Variants in IL34 observed in about 807,000 individuals in gnomAD.
IL34 encodes interleukin 34.
A neutral mutation model predicts 25.3 loss-of-function variants in IL34; 17 were observed. That is an observed-to-expected ratio of 0.67 (90% CI 0.46 to 1.01). The LOEUF is 1.01. Among genes scored for constraint, IL34 ranks in the 50% least tolerant of loss-of-function variants. The pLI, the probability that IL34 is intolerant of heterozygous loss-of-function variation, is 0.00. For synonymous variants in IL34, 174 were observed against 140.9 expected (o/e 1.23, Z -1.66); for missense variants, 368 against 312.9 (o/e 1.18, Z -1.33).
intron 1 of IL34, among the ~76,000 whole-genome samples, chr16:70,651,014 GCCTGGCCAA>G (rs1003802262): frequency 1.6e-4 from 24 of 152,300 alleles, no homozygotes; most frequent in African/African-American, 5.8e-4. Flanking sequence ...TTCAAGACCA[GCCTGGCCAA>G]CCTGGTGAAA....
intron 1 of IL34, among the ~76,000 whole-genome samples, chr16:70,630,594 T>C (rs1017079645): frequency 4.0e-5 from 6 of 151,574 alleles, no homozygotes; most frequent in Admixed American, 6.6e-5. Context: ...CTTTTTTTTT[T>C]CTGAGGTAGG....
chr16:70,627,373 C>G (rs1327563388), intron 1 of IL34, among the ~76,000 whole-genome samples: 3 of 151,998 alleles, frequency 2.0e-5, no homozygotes, highest in African/African-American at 7.3e-5. Context: ...AGAAGCCCCC[C>G]ACCAGATCCC....
intron 1 of IL34, among the ~76,000 whole-genome samples, chr16:70,622,835 T>G (rs1365891982): frequency 6.6e-6 from 1 of 152,050 alleles, no homozygotes; most frequent in Admixed American, 6.6e-5. Context: ...GAGCATAGTT[T>G]GCGATTTTTA....
Position 70,619,886 on chromosome 16 carries a change from C to T in IL34, c.-400-26662C>T, listed in dbSNP as rs573987524. On this transcript the variant is annotated intron_variant, in intron 1 of 6. Transcript: ENST00000429149. ...CGGCTTAGGAGGAATCCCGGGCTGC[C>T]GGCATTCCTTGGCCCAGTGGCCAGA... Among the ~76,000 whole-genome samples the T allele has an allele frequency of 9.9e-5, 15 of 152,052 alleles. No homozygotes were observed. In the East Asian group the frequency reaches 1.7e-3, roughly 18 times the overall value.
chr16:70,616,027 C>T (rs892545421), intron 1 of IL34, among the ~76,000 whole-genome samples: 3 of 152,192 alleles, frequency 2.0e-5, no homozygotes, highest in Non-Finnish European at 4.4e-5. Flanking sequence ...CTCTGCTGAA[C>T]ACAGCTTCCA....
chr16:70,642,740 C>G (rs1567459711), upstream of IL34, among the ~76,000 whole-genome samples: 1 of 152,184 alleles, frequency 6.6e-6, no homozygotes, highest in African/African-American at 2.4e-5. Flanking sequence ...TTTGGAGAGA[C>G]ACAAACATTC....
At chr16:70,630,367 G>T (rs1464987279) in intron 1 of IL34, among the ~76,000 whole-genome samples, 2 of 152,104 alleles carry the variant, frequency 1.3e-5, no homozygotes, top group Non-Finnish European at 2.9e-5. Flanking sequence ...GAGTAGCTGG[G>T]ATTACAGGTG....
intron 1 of IL34, among the ~76,000 whole-genome samples, chr16:70,616,262 AT>A (rs2051172095): frequency 6.6e-6 from 1 of 152,164 alleles, no homozygotes; most frequent in East Asian, 1.9e-4. Flanking sequence ...GATATTGCCA[AT>A]TTCCACTCCA....
At chr16:70,656,932 A>C in intron 3 of IL34, 28 bp from the exon 4 acceptor site, 1 of 1,590,648 alleles carries the variant, frequency 6.3e-7, no homozygotes, top group Non-Finnish European at 8.6e-7. Context: ...ATGTCTCCCG[A>C]GTTGCAGTGA....
intron 1 of IL34, among the ~76,000 whole-genome samples, chr16:70,631,556 G>A: frequency 6.6e-6 from 1 of 152,096 alleles, no homozygotes; most frequent in Non-Finnish European, 1.5e-5. Flanking sequence ...ATGTTTTGGA[G>A]GATGTCCCAA....
intron 1 of IL34, among the ~76,000 whole-genome samples, chr16:70,580,481 C>A (rs975249615): frequency 5.3e-5 from 8 of 152,290 alleles, no homozygotes; most frequent in Middle Eastern, 3.4e-3. Flanking sequence ...ATTACTTTAT[C>A]AAAAATTAAT....
chr16:70,645,926 A>G (rs563172593), upstream of IL34, among the ~76,000 whole-genome samples: 5 of 152,244 alleles, frequency 3.3e-5, no homozygotes, highest in Admixed American at 6.5e-5. Flanking sequence ...GGTAGTGCAC[A>G]TCTGTAATCC....
Position 70,605,594 on chromosome 16 carries a change from A to C in IL34, c.-401+25545A>C, listed in dbSNP as rs78613006. On this transcript the variant is annotated intron_variant, in intron 1 of 6. Coordinates refer to the IL34 transcript ENST00000429149. ...CCTTTTCTAGATACCTCAGTTTATA[A>C]GCAATTTAAGAAAACAGCTTATTGA... Among the ~76,000 whole-genome samples the C allele has an allele frequency of 4.6e-5, 7 of 152,280 alleles. No individual in the cohort carries two copies. In the East Asian group the frequency reaches 1.2e-3, roughly 25 times the overall value.
chr16:70,609,116 C>T lies in IL34; in HGVS notation c.-401+29067C>T, dbSNP rs149013726. ...TTTTTGAGATGGAATCTTGCTCCGT[C>T]GCCCAGGCTGAAGTGCAGTGGTGCG... On this transcript the variant is annotated intron_variant, in intron 1 of 6. Transcript: ENST00000429149. 2.3e-3 allele frequency among the ~76,000 whole-genome samples: 354 copies of T among 152,184 alleles called. 2 individuals are homozygous for T. Among genetic ancestry groups the T allele is most frequent in the African/African-American group, 8.0e-3 (331 of 41,540 alleles).
chr16:70,613,317 T>A (rs375601060), intron 1 of IL34, among the ~76,000 whole-genome samples: 1 of 152,214 alleles, frequency 6.6e-6, no homozygotes, highest in Non-Finnish European at 1.5e-5. Flanking sequence ...CTGGCATCCC[T>A]TCTTGGCTCA....
rs1407282756 is a variant in IL34 at position 70,627,161 on chromosome 16, T to G, written c.-400-19387T>G. ...TATATTTTAATATATGAAAGGGATG[T>G]TCTTCCCCTTATATGTTGAGCTCTT... On this transcript the variant is annotated intron_variant, in intron 1 of 6. Coordinates refer to the IL34 transcript ENST00000429149. Among the ~76,000 whole-genome samples, 4 of 152,178 alleles carry G rather than the reference T, an allele frequency of 2.6e-5. No homozygotes were observed. In the East Asian group the frequency reaches 7.7e-4, roughly 29 times the overall value.
chr16:70,647,678 G>C (rs2051974182), intron 1 of IL34, among the ~76,000 whole-genome samples: 1 of 152,206 alleles, frequency 6.6e-6, no homozygotes, highest in African/African-American at 2.4e-5. Flanking sequence ...GGACCTTGCT[G>C]TCTCGTGCCT....
chr16:70,643,022 C>CT (rs367883497), upstream of IL34, among the ~76,000 whole-genome samples: 880 of 152,200 alleles, frequency 5.8e-3, 10 homozygotes, highest in African/African-American at 0.02. Flanking sequence ...ACTTAGTACA[C>CT]TAAAAACCCA....
chr16:70,649,194 G>A (rs1243501561), intron 1 of IL34, among the ~76,000 whole-genome samples: 1 of 152,208 alleles, frequency 6.6e-6, no homozygotes, highest in Non-Finnish European at 1.5e-5. Context: ...CAGCTTTACT[G>A]AAGAGATGTT....
Sources: allele counts gnomAD v4.1 joint callset (sites outside exome capture counted in the v4.1 genomes callset), GRCh38; gene constraint gnomAD v4.1.1; transcripts MANE v1.5; gene names NCBI Gene and HGNC (gene_info 2026-07-23, HGNC 2026-07-21).